Variants in COL5A1 observed in about 807,000 individuals in gnomAD.
COL5A1 encodes collagen type V alpha 1 chain.
Under a neutral mutation model 263.7 loss-of-function variants are expected in COL5A1, and 16 were observed. The observed-to-expected ratio is 0.06, with a 90% CI of 0.04 to 0.09. COL5A1 has a LOEUF of 0.09. Ranked by LOEUF, COL5A1 falls within the 10% of genes least tolerant of loss-of-function variation. The pLI, the probability that COL5A1 is intolerant of heterozygous loss-of-function variation, is 1.00. For synonymous variants in COL5A1, 1,012 were observed against 1,004.5 expected (o/e 1.01, Z -0.14); for missense variants, 2,036 against 2,540.5 (o/e 0.80, Z 4.27).
chr9:134,693,877 C>T (rs1032878551), intron 2 of COL5A1, among the ~76,000 whole-genome samples: 5 of 152,202 alleles, frequency 3.3e-5, no homozygotes, highest in African/African-American at 1.2e-4. Context: ...GACACGGTCT[C>T]GCGCCAGCCA....
At chr9:134,750,414 C>T (rs1564431056) in intron 11 of COL5A1, 128 bp from the exon 12 acceptor site, 1 of 827,346 alleles carries the variant, frequency 1.2e-6, no homozygotes, top group South Asian at 1.4e-5. Flanking sequence ...GCCACGGGGT[C>T]TCACAGCTTC....
At position 134,742,156 on chromosome 9, in the gene COL5A1, T is replaced by A. The variant is rs1835328236; in HGVS notation, c.1494+3348T>A. 6.6e-6 allele frequency among the ~76,000 whole-genome samples: 1 copy of A among 152,154 alleles called. No homozygotes were observed. Among genetic ancestry groups the A allele is most frequent in the Non-Finnish European group, 1.5e-5 (1 of 68,032 alleles). On this transcript the variant is annotated intron_variant, in intron 11 of 65. Transcript: ENST00000371817. This position sits in a 1 kb window ranked among gnomAD's most constrained non-coding sequence, Gnocchi z 4.6. ...ACACACTCTGGTGAGCCCTGCACAC[T>A]CTCCCGCTGCTCCCCTTGGATGACC...
Position 134,678,686 on chromosome 9 carries a change from C to T in COL5A1, c.110-12226C>T, listed in dbSNP as rs746571625. ...CCTTCCCTGTGGCTGGGCAGCTGGA[C>T]CACCCAGGATGACAGCCCAAGTGAT... is the stretch of plus-strand genomic sequence containing the variant. On this transcript the variant is annotated intron_variant, in intron 1 of 65. Coordinates refer to ENST00000371817, the MANE Select transcript of COL5A1 (RefSeq NM_000093.5). This position sits in a 1 kb window ranked among gnomAD's most constrained non-coding sequence, Gnocchi z 5.5. 2.1e-4 allele frequency among the ~76,000 whole-genome samples: 32 copies of T among 152,342 alleles called. No homozygotes were observed. The highest frequency in any genetic ancestry group is 1.8e-3 in the Admixed American group (27 of 15,312).
chr9:134,775,353 C>T (rs534276369), intron 27 of COL5A1, among the ~76,000 whole-genome samples: 4 of 152,364 alleles, frequency 2.6e-5, no homozygotes, highest in South Asian at 4.1e-4. Flanking sequence ...TTGCACATTC[C>T]GAGTGAGAAA....
intron 27 of COL5A1, among the ~76,000 whole-genome samples, chr9:134,776,499 T>A (rs1837055719): frequency 6.6e-6 from 1 of 152,222 alleles, no homozygotes; most frequent in Non-Finnish European, 1.5e-5. Context: ...TTAAAATTAT[T>A]TTCATCGGGG....
At chr9:134,670,748 C>T (rs532319067) in intron 1 of COL5A1, among the ~76,000 whole-genome samples, 1 of 152,318 alleles carries the variant, frequency 6.6e-6, no homozygotes, top group Admixed American at 6.5e-5. Flanking sequence ...CTTCTAGAAC[C>T]CAGCAGACAT....
chr9:134,756,227 C>A (rs1002705313), intron 16 of COL5A1, among the ~76,000 whole-genome samples: 1 of 152,198 alleles, frequency 6.6e-6, no homozygotes, highest in Non-Finnish European at 1.5e-5. Flanking sequence ...ATCTGCTCAC[C>A]GTGCAGATGC....
intron 19 of COL5A1, among the ~76,000 whole-genome samples, chr9:134,762,626 C>T (rs577087565): frequency 4.6e-5 from 7 of 152,324 alleles, no homozygotes; most frequent in Non-Finnish European, 7.4e-5. Context: ...CCAAGCTCTT[C>T]CCTGCAGGCA....
intron 4 of COL5A1, among the ~76,000 whole-genome samples, chr9:134,721,710 A>G (rs535038194): frequency 2.0e-5 from 3 of 152,340 alleles, no homozygotes; most frequent in African/African-American, 7.2e-5. Context: ...GTGGCACAGA[A>G]GGAGCGCTAG....
chr9:134,835,928 G>T (rs1340563793), intron 65 of COL5A1, among the ~76,000 whole-genome samples: 1 of 152,178 alleles, frequency 6.6e-6, no homozygotes, highest in Admixed American at 6.5e-5. Context: ...GTGCAGCTGT[G>T]CCCCAAGAGC....
At chr9:134,811,655 C>G in intron 46 of COL5A1, 56 bp downstream of exon 46, 1 of 1,341,964 alleles carries the variant, frequency 7.5e-7, no homozygotes, top group Non-Finnish European at 1.0e-6. Context: ...CCCCCTGTGT[C>G]TTCATTGTGC....
chr9:134,774,715 CG>C (rs1836990031), intron 26 of COL5A1, 143 bp from the exon 27 acceptor site: 1 of 807,004 alleles, frequency 1.2e-6, no homozygotes. Flanking sequence ...GAGTCTCCCA[CG>C]GGGGGCCTCT....
intron 11 of COL5A1, among the ~76,000 whole-genome samples, chr9:134,745,215 G>A (rs1380319168): frequency 6.6e-6 from 1 of 152,236 alleles, no homozygotes; most frequent in Non-Finnish European, 1.5e-5. Context: ...CAGTGTTGAA[G>A]ATTCATTGGA....
chr9:134,670,925 C>T (rs528309725), intron 1 of COL5A1, among the ~76,000 whole-genome samples: 7 of 152,186 alleles, frequency 4.6e-5, no homozygotes, highest in Non-Finnish European at 1.0e-4. Flanking sequence ...TGTGCCTGGG[C>T]CTGCCTTCCA....
intron 64 of COL5A1, among the ~76,000 whole-genome samples, chr9:134,830,686 C>A (rs1293035350): frequency 6.6e-6 from 1 of 152,232 alleles, no homozygotes; most frequent in Non-Finnish European, 1.5e-5. Flanking sequence ...CACTGCACAC[C>A]ACTGTACGAG....
At chr9:134,697,455 C>T (rs999125487) in intron 2 of COL5A1, among the ~76,000 whole-genome samples, 24 of 152,126 alleles carry the variant, frequency 1.6e-4, no homozygotes, top group African/African-American at 5.1e-4. Context: ...GTGCGCAACT[C>T]GTTCTTTGAT....
chr9:134,759,523 A>C, intron 18 of COL5A1, among the ~76,000 whole-genome samples: 1 of 109,786 alleles, frequency 9.1e-6, no homozygotes, highest in Non-Finnish European at 1.8e-5. Flanking sequence ...ACATACACAC[A>C]CCACATACAC....
chr9:134,808,298 T>G (rs1026420068), intron 42 of COL5A1, among the ~76,000 whole-genome samples: 1 of 152,046 alleles, frequency 6.6e-6, no homozygotes, highest in Non-Finnish European at 1.5e-5. Flanking sequence ...CTGTCTGCAG[T>G]GAGAAAATAT....
intron 28 of COL5A1, among the ~76,000 whole-genome samples, chr9:134,781,392 T>C (rs143225220): frequency 6.6e-6 from 1 of 152,390 alleles, no homozygotes; most frequent in East Asian, 1.9e-4. Flanking sequence ...GCTTTCTACG[T>C]GGAGCCCGTC....
Sources: gnomAD v4.1 joint callset for allele counts (sites outside exome capture counted in the v4.1 genomes callset) on GRCh38, gnomAD v4.1.1 for gene constraint, Gnocchi (gnomAD v3.1) non-coding constraint, MANE v1.5 for transcripts, NCBI Gene and HGNC (gene_info 2026-07-23, HGNC 2026-07-21) for gene names.